RALY: variants seen among roughly 807,000 people sequenced by gnomAD.
RALY encodes the protein RALY heterogeneous nuclear ribonucleoprotein.
A neutral mutation model predicts 30.7 loss-of-function variants in RALY; 15 were observed. The ratio of observed to expected loss-of-function variants is 0.49; its 90% CI spans 0.33 to 0.75. The LOEUF (loss-of-function observed/expected upper bound fraction) is 0.75, where lower values mean the gene tolerates loss of function less well. RALY is among the 30% of genes least tolerant of loss of function. The pLI, the probability that RALY is intolerant of heterozygous loss-of-function variation, is 0.02. For missense variants in RALY, 339 were observed against 414.3 expected, an observed-to-expected ratio of 0.82 and a Z score of 1.58; for synonymous variants, 177 against 170.8, an observed-to-expected ratio of 1.04 and a Z score of -0.28.
chr20:34,024,237 G>A (rs917274728), intron 1 of RALY, among the ~76,000 whole-genome samples: 5 of 152,140 alleles, frequency 3.3e-5, no homozygotes, highest in African/African-American at 9.7e-5. Flanking sequence ...GTGTCTGGTC[G>A]GAGCTTTGGT....
chr20:34,055,842 C>A (rs1464635706), intron 2 of RALY, among the ~76,000 whole-genome samples: 1 of 152,196 alleles, frequency 6.6e-6, no homozygotes, highest in Non-Finnish European at 1.5e-5. Flanking sequence ...TATATTACCT[C>A]CAGTTAATGG....
intron 5 of RALY, among the ~76,000 whole-genome samples, chr20:34,075,567 T>G (rs1226149059): frequency 6.6e-6 from 1 of 152,070 alleles, no homozygotes; most frequent in East Asian, 1.9e-4. Context: ...AGAGCAGGCC[T>G]GGGTGCCAGG....
At chr20:34,001,219 C>G (rs1367224755) in intron 1 of RALY, among the ~76,000 whole-genome samples, 1 of 152,120 alleles carries the variant, frequency 6.6e-6, no homozygotes, top group Non-Finnish European at 1.5e-5. Context: ...AAAAAAATTA[C>G]ATTAAAATAT....
At chr20:33,994,873 C>T (rs2030528767) in intron 1 of RALY, among the ~76,000 whole-genome samples, 1 of 152,172 alleles carries the variant, frequency 6.6e-6, no homozygotes, top group Non-Finnish European at 1.5e-5. Flanking sequence ...ACTTCCCAAG[C>T]CTTATTTCAT....
chr20:34,040,025 C>A (rs1195412067), intron 2 of RALY, among the ~76,000 whole-genome samples: 1 of 151,920 alleles, frequency 6.6e-6, no homozygotes, highest in Non-Finnish European at 1.5e-5. Flanking sequence ...GCAGGAGAAT[C>A]GCTTGAACCC....
intron 1 of RALY, among the ~76,000 whole-genome samples, chr20:33,998,377 A>C (rs567673415): frequency 1.3e-5 from 2 of 152,340 alleles, no homozygotes; most frequent in African/African-American, 4.8e-5. Context: ...GTCAGGGAAG[A>C]GGCAGAGATA....
intron 1 of RALY, among the ~76,000 whole-genome samples, chr20:34,004,423 C>G (rs1488913597): frequency 6.6e-6 from 1 of 152,210 alleles, no homozygotes; most frequent in Non-Finnish European, 1.5e-5. Context: ...CCCTTCCCCC[C>G]TTTTCCAGAA....
intron 1 of RALY, among the ~76,000 whole-genome samples, chr20:34,030,793 G>T (rs1485177920): frequency 1.3e-5 from 2 of 152,064 alleles, no homozygotes; most frequent in African/African-American, 4.8e-5. Flanking sequence ...TAGTCTTCTT[G>T]TTCCTTAAAC....
intron 1 of RALY, among the ~76,000 whole-genome samples, chr20:34,008,442 A>G (rs1408360056): frequency 6.6e-6 from 1 of 152,178 alleles, no homozygotes; most frequent in East Asian, 1.9e-4. Context: ...AGGAACTTTT[A>G]GTTGTGATGT....
chr20:34,005,825 C>T (rs569750145), intron 1 of RALY, among the ~76,000 whole-genome samples: 1 of 152,214 alleles, frequency 6.6e-6, no homozygotes, highest in Non-Finnish European at 1.5e-5. Flanking sequence ...CTTTGCAGAA[C>T]GTCATACAGT....
intron 2 of RALY, among the ~76,000 whole-genome samples, chr20:34,034,844 G>A (rs1253023606): frequency 2.0e-5 from 3 of 152,084 alleles, no homozygotes; most frequent in Admixed American, 6.5e-5. Context: ...GGGGAGGGGT[G>A]AAAGAAGAAG....
chr20:34,004,003 GTGT>G (rs1306311706), intron 1 of RALY, among the ~76,000 whole-genome samples: 3 of 152,170 alleles, frequency 2.0e-5, no homozygotes, highest in Non-Finnish European at 2.9e-5. Flanking sequence ...CTGTTGTTCT[GTGT>G]TGTTGTAAAT....
intron 1 of RALY, among the ~76,000 whole-genome samples, chr20:34,028,875 A>T (rs1000564186): frequency 6.6e-6 from 1 of 152,094 alleles, no homozygotes; most frequent in African/African-American, 2.4e-5. Context: ...AAAATATGAG[A>T]GCTGGAAAGC....
chr20:34,075,425 CAGGT>C (rs984348088), intron 5 of RALY, among the ~76,000 whole-genome samples: 8 of 151,978 alleles, frequency 5.3e-5, no homozygotes, highest in Non-Finnish European at 1.2e-4. Context: ...AACTGAGGCT[CAGGT>C]AGGCTCAGTT....
At chr20:34,043,496 C>T (rs902418193) in intron 2 of RALY, among the ~76,000 whole-genome samples, 1 of 152,214 alleles carries the variant, frequency 6.6e-6, no homozygotes, top group African/African-American at 2.4e-5. Flanking sequence ...AACCTTTTCT[C>T]TCTCCATAGC....
chr20:34,000,080 G>C (rs2030843743), intron 1 of RALY, among the ~76,000 whole-genome samples: 1 of 152,058 alleles, frequency 6.6e-6, no homozygotes, highest in Non-Finnish European at 1.5e-5. Context: ...TTCAATTTTG[G>C]CTTCATGTCT....
At chr20:34,009,918 C>A (rs1272822845) in intron 1 of RALY, among the ~76,000 whole-genome samples, 5 of 152,150 alleles carry the variant, frequency 3.3e-5, no homozygotes, top group Non-Finnish European at 5.9e-5. Flanking sequence ...CAGCCCAGCT[C>A]TAGAAGGAAC....
Position 34,077,207 on chromosome 20 carries a change from G to T in RALY, c.838G>T (p.Asp280Tyr). The change falls in exon 8 of 10, where the codon GAT (aspartate) becomes TAT (tyrosine). Residue 280 changes from aspartate to tyrosine, a missense_variant. Physicochemically the swap from Asp to Tyr is radical, Grantham distance 160. This residue lies in a region of RALY where 268 missense variants were observed against 280.6 expected (regional missense o/e 0.95). Coordinates refer to ENST00000246194, the MANE Select transcript of RALY (RefSeq NM_016732.3). ...QGEARTRDDG[D>Y]EEGLLTHSEE... ...GGAAGCACGGACCCGAGACGACGGC[G>T]ATGAGGAAGGGCTCCTGACACACAG... is the stretch of plus-strand genomic sequence containing the variant. The T allele has an allele frequency of 6.2e-7, 1 of 1,613,868 alleles. No individual in the cohort carries two copies. The highest frequency in any genetic ancestry group is 8.5e-7 in the Non-Finnish European group (1 of 1,179,934).
rs1439437139 is a variant in RALY, at chr20:34,056,489, G to GA, written c.-9-15577_-9-15576insA. ...ACTGACTGGACTATAAATTCTTCCAGGGGGGAGATTGTACTTTATTAACCT... is the reference window on the plus strand; with the variant it reads ...ACTGACTGGACTATAAATTCTTCCAGAGGGGGAGATTGTACTTTATTAACCT... On this transcript the variant is annotated intron_variant, in intron 2 of 9. Coordinates refer to ENST00000246194, the MANE Select transcript of RALY (RefSeq NM_016732.3). 1.8e-4 allele frequency among the ~76,000 whole-genome samples: 27 copies of GA among 152,140 alleles called. 1 individual carries two copies. The highest frequency in any genetic ancestry group is 1.5e-3 in the Admixed American group (23 of 15,290).
Sources: allele counts gnomAD v4.1 joint callset (sites outside exome capture counted in the v4.1 genomes callset), GRCh38; gene constraint gnomAD v4.1.1; regional missense constraint gnomAD v4.1.1; transcripts MANE v1.5; gene names NCBI Gene and HGNC (gene_info 2026-07-23, HGNC 2026-07-21).